SHISA6: variants seen among roughly 807,000 people sequenced by gnomAD.
SHISA6 encodes protein shisa-6.
A neutral mutation model predicts 47.9 loss-of-function variants in SHISA6; 22 were observed. The observed-to-expected ratio is 0.46, with a 90% CI of 0.33 to 0.66. The LOEUF (loss-of-function observed/expected upper bound fraction) is 0.66, where lower values mean the gene tolerates loss of function less well. Among genes scored for constraint, SHISA6 ranks in the 30% least tolerant of loss-of-function variants. The probability of loss-of-function intolerance (pLI) is 0.02; values close to 1 mark genes in which losing one functional copy is unlikely to be tolerated. For synonymous variants in SHISA6, 388 were observed against 337.8 expected, an observed-to-expected ratio of 1.15 and a Z score of -1.63; for missense variants, 680 against 764.6, an observed-to-expected ratio of 0.89 and a Z score of 1.30.
intron 3 of SHISA6, among the ~76,000 whole-genome samples, chr17:11,445,754 TC>T (rs1401984220): frequency 1.3e-5 from 2 of 152,162 alleles, no homozygotes; most frequent in Non-Finnish European, 2.9e-5. Context: ...AAGGAGGTAA[TC>T]ACTGGAAGCC....
At chr17:11,316,419 CTTTT>C (rs551048325) in intron 2 of SHISA6, among the ~76,000 whole-genome samples, 10 of 56,890 alleles carry the variant, frequency 1.8e-4, no homozygotes, top group South Asian at 8.4e-4. Context: ...CTCTCTCTCT[CTTTT>C]TTTTTTTTTT....
At chr17:11,458,072 G>A (rs1295218590) in intron 3 of SHISA6, among the ~76,000 whole-genome samples, 6 of 141,852 alleles carry the variant, frequency 4.2e-5, no homozygotes, top group South Asian at 2.2e-4. Flanking sequence ...ATGACATAGC[G>A]AGACTCTGTC....
intron 3 of SHISA6, among the ~76,000 whole-genome samples, chr17:11,468,019 C>G (rs1186774203): frequency 6.6e-6 from 1 of 152,140 alleles, no homozygotes; most frequent in Non-Finnish European, 1.5e-5. Flanking sequence ...CTGGAAGGGA[C>G]CTCAGAGAAC....
chr17:11,272,690 C>T (rs927169259), intron 2 of SHISA6, among the ~76,000 whole-genome samples: 1 of 152,184 alleles, frequency 6.6e-6, no homozygotes, highest in African/African-American at 2.4e-5. Context: ...CAGAGCCTGG[C>T]ATACTCAAGC....
chr17:11,344,548 T>C (rs1017315411), intron 2 of SHISA6, among the ~76,000 whole-genome samples: 3 of 152,158 alleles, frequency 2.0e-5, no homozygotes, highest in Admixed American at 6.5e-5. Context: ...GAGTGTTTTG[T>C]CTCTTATTGT....
chr17:11,269,047 T>TG (rs973146556), intron 2 of SHISA6, among the ~76,000 whole-genome samples: 13 of 150,586 alleles, frequency 8.6e-5, no homozygotes, highest in African/African-American at 3.2e-4. Context: ...TTTGTCTGTT[T>TG]TGTTTTTTTT....
chr17:11,456,928 C>G (rs1915554771), intron 3 of SHISA6, among the ~76,000 whole-genome samples: 1 of 152,194 alleles, frequency 6.6e-6, no homozygotes, highest in Admixed American at 6.5e-5. Flanking sequence ...GCAGGGTCCT[C>G]AGCTCCTGTA....
At chr17:11,450,108 A>G (rs959314558) in intron 3 of SHISA6, among the ~76,000 whole-genome samples, 1 of 151,924 alleles carries the variant, frequency 6.6e-6, no homozygotes, top group Non-Finnish European at 1.5e-5. Context: ...GATGGTCTCG[A>G]TCTCCTGACC....
chr17:11,407,493 GT>G (rs35828366), intron 3 of SHISA6, among the ~76,000 whole-genome samples: 57,943 of 150,292 alleles, frequency 0.39, 11,319 homozygotes, highest in Middle Eastern at 0.46. Context: ...TTAGCATATT[GT>G]TTTTTTTTTC....
chr17:11,426,794 A>G (rs1365226536), intron 3 of SHISA6, among the ~76,000 whole-genome samples: 1 of 152,180 alleles, frequency 6.6e-6, no homozygotes, highest in Non-Finnish European at 1.5e-5. Context: ...AGGGTACCAC[A>G]TGGAAAGTTG....
At chr17:11,294,216 G>A (rs1474204641) in intron 2 of SHISA6, among the ~76,000 whole-genome samples, 1 of 152,134 alleles carries the variant, frequency 6.6e-6, no homozygotes, top group African/African-American at 2.4e-5. Flanking sequence ...ATACTGAGGG[G>A]ATATCAGCTC....
chr17:11,318,928 A>G (rs1417280389), intron 2 of SHISA6, among the ~76,000 whole-genome samples: 1 of 152,096 alleles, frequency 6.6e-6, no homozygotes, highest in African/African-American at 2.4e-5. Flanking sequence ...AGTGGCTTTT[A>G]ACTTTTCTCT....
At chr17:11,536,870 G>C (rs1211639688) in intron 3 of SHISA6, among the ~76,000 whole-genome samples, 1 of 152,132 alleles carries the variant, frequency 6.6e-6, no homozygotes, top group African/African-American at 2.4e-5. Context: ...CTGGAGCTGA[G>C]CAGGGTATGG....
At chr17:11,481,362 G>A (rs541389108) in intron 3 of SHISA6, among the ~76,000 whole-genome samples, 5,872 of 113,540 alleles carry the variant, frequency 0.052, 413 homozygotes, top group African/African-American at 0.18. Flanking sequence ...GTGTGTGTGT[G>A]TGTGTATATA....
chr17:11,475,988 G>T (rs974866956), intron 3 of SHISA6, among the ~76,000 whole-genome samples: 1 of 151,984 alleles, frequency 6.6e-6, no homozygotes, highest in South Asian at 2.1e-4. Flanking sequence ...TACAGATTGT[G>T]TATTTCCTCT....
Position 11,374,403 on chromosome 17 carries a change from T to C in SHISA6, c.800-5011T>C, listed in dbSNP as rs563544378. ...TTTTGACTTGAGTCTTGTTTAAAAA[T>C]TCTTACTCTGAGATCATTAACATAT... On this transcript the variant is annotated intron_variant, in intron 2 of 5. Coordinates refer to ENST00000441885, the MANE Select transcript of SHISA6 (RefSeq NM_207386.4). Among the ~76,000 whole-genome samples the C allele has an allele frequency of 2.0e-5, 3 of 152,278 alleles. No individual in the cohort carries two copies. The South Asian group carries it at 6.2e-4, about 32-fold the overall frequency.
At chr17:11,453,329 G>A (rs1178309383) in intron 3 of SHISA6, among the ~76,000 whole-genome samples, 3 of 152,094 alleles carry the variant, frequency 2.0e-5, no homozygotes, top group Non-Finnish European at 2.9e-5. Context: ...CAGCAGCTTC[G>A]GGAAACCTGA....
At chr17:11,541,738 G>A (rs574713711) in intron 3 of SHISA6, among the ~76,000 whole-genome samples, 7 of 152,242 alleles carry the variant, frequency 4.6e-5, no homozygotes, top group African/African-American at 1.4e-4. Flanking sequence ...ATCTTAAGAT[G>A]CCTTTAAGCT....
At chr17:11,373,360 A>G (rs1472759829) in intron 2 of SHISA6, among the ~76,000 whole-genome samples, 1 of 151,730 alleles carries the variant, frequency 6.6e-6, no homozygotes, top group African/African-American at 2.4e-5. Flanking sequence ...CCATCTGTCT[A>G]TCCATCTATC....
Sources: gnomAD v4.1 joint callset for allele counts (sites outside exome capture counted in the v4.1 genomes callset) on GRCh38, gnomAD v4.1.1 for gene constraint, MANE v1.5 for transcripts, NCBI Gene and HGNC (gene_info 2026-07-23, HGNC 2026-07-21) for gene names.